INO80: variants seen among roughly 807,000 people sequenced by gnomAD.
INO80 encodes INO80 complex ATPase subunit, also known as chromatin-remodeling ATPase INO80.
INO80 carries 20 observed loss-of-function variants against 203.4 expected under a neutral mutation model. The ratio of observed to expected loss-of-function variants is 0.10; its 90% CI spans 0.07 to 0.14. INO80 has a LOEUF of 0.14. INO80 is among the 10% of genes least tolerant of loss of function. The pLI is 1.00. For missense variants in INO80, 1,419 were observed against 1,914.4 expected (o/e 0.74, Z 4.83); for synonymous variants, 726 against 685.2 (o/e 1.06, Z -0.93).
Position 41,085,414 on chromosome 15 carries a change from A to G in INO80, c.828T>C (p.Arg276=). 6.2e-7 allele frequency: 1 copy of G among 1,614,162 alleles called. No individual in the cohort carries two copies. Among genetic ancestry groups the G allele is most frequent in the Non-Finnish European group, 8.5e-7 (1 of 1,180,022 alleles). ...KHLSIEQLNA[R]RRKVWLSIVK... Reference sequence around the variant, plus strand: ...CAATGCTGAGCCATACTTTCCTGCGACGAGCATTCAGCTGCTCAATGGATA... The same window carrying G: ...CAATGCTGAGCCATACTTTCCTGCGGCGAGCATTCAGCTGCTCAATGGATA... The change falls in exon 7 of 36, where the codon CGT becomes CGC. Residue 276 remains arginine, a synonymous_variant. Transcript: ENST00000648947.
At chr15:40,996,085 G>A (rs2140425517) in intron 29 of INO80, among the ~76,000 whole-genome samples, 1 of 152,142 alleles carries the variant, frequency 6.6e-6, no homozygotes, top group East Asian at 1.9e-4. Flanking sequence ...ATCTATTCAA[G>A]CCTCTACACT....
intron 24 of INO80, among the ~76,000 whole-genome samples, chr15:41,035,847 A>G (rs886082518): frequency 5.4e-4 from 75 of 139,370 alleles, no homozygotes; most frequent in Non-Finnish European, 7.0e-4. Flanking sequence ...AAAAAAAAAA[A>G]GTCTGGCGCC....
chr15:40,987,732 T>G, intron 30 of INO80, 84 bp downstream of exon 30: 1 of 1,281,976 alleles, frequency 7.8e-7, no homozygotes, highest in Non-Finnish European at 1.1e-6. Context: ...GGCAAGAGAG[T>G]TTTAAAATAG....
Position 41,039,365 on chromosome 15 carries a change from G to A in INO80, c.2907+5539C>T, listed in dbSNP as rs565985702. Among the ~76,000 whole-genome samples, 15 of 152,308 alleles carry A rather than the reference G, an allele frequency of 9.8e-5. No individual in the cohort carries two copies. The South Asian group carries it at 3.1e-3, about 32-fold the overall frequency. On this transcript the variant is annotated intron_variant, in intron 24 of 35. Transcript: ENST00000648947. ...TTCATTATCTACCATTACTCAGGCA[G>A]TTAATTGTGTAGTATTTAAAGTCTT...
At chr15:41,052,758 C>T (rs1345390736) in intron 19 of INO80, among the ~76,000 whole-genome samples, 1 of 150,404 alleles carries the variant, frequency 6.6e-6, no homozygotes, top group Non-Finnish European at 1.5e-5. Flanking sequence ...GGCACAGTGG[C>T]TCACACCTGT....
intron 12 of INO80, 138 bp from the exon 13 acceptor site, chr15:41,070,685 C>G: frequency 1.4e-6 from 1 of 692,624 alleles, no homozygotes; most frequent in Non-Finnish European, 2.5e-6. Flanking sequence ...GCACTTTTAC[C>G]CACTGCTATA....
intron 14 of INO80, among the ~76,000 whole-genome samples, chr15:41,068,669 A>G (rs2140584615): frequency 6.6e-6 from 1 of 151,978 alleles, no homozygotes; most frequent in East Asian, 1.9e-4. Context: ...ACCAGCCTGG[A>G]CAACATGGTG....
intron 19 of INO80, among the ~76,000 whole-genome samples, chr15:41,051,452 A>G (rs952942847): frequency 6.6e-6 from 1 of 151,196 alleles, no homozygotes; most frequent in Non-Finnish European, 1.5e-5. Flanking sequence ...AGAAACACAT[A>G]CTATACACAG....
chr15:41,045,775 C>A (rs549319056), intron 23 of INO80, among the ~76,000 whole-genome samples: 1 of 151,614 alleles, frequency 6.6e-6, no homozygotes, highest in Non-Finnish European at 1.5e-5. Flanking sequence ...GTTGTGCACG[C>A]CTGTAATCCC....
chr15:40,979,083 T>C lies in INO80; in HGVS notation c.*1140A>G, dbSNP rs983689331. 1 of 152,598 alleles carries C rather than the reference T, an allele frequency of 6.6e-6. No individual in the cohort carries two copies. The highest frequency in any genetic ancestry group is 1.5e-5 in the Non-Finnish European group (1 of 68,030). The allele number at this position is 152,598 out of a possible 1,614,324, so 9.5% of individuals were successfully genotyped here. On this transcript the variant is annotated 3_prime_UTR_variant, in exon 36 of 36. Transcript: ENST00000648947. Reference sequence around the variant, plus strand: ...GGTTTGAGCAGGGGAATCTTAATGATTTAAATTAAATGATTCCCCTATACC... The same window carrying C: ...GGTTTGAGCAGGGGAATCTTAATGACTTAAATTAAATGATTCCCCTATACC...
At chr15:41,070,607 G>T (rs2045294547) in intron 12 of INO80, 60 bp from the exon 13 acceptor site, 2 of 1,386,128 alleles carry the variant, frequency 1.4e-6, no homozygotes, top group Non-Finnish European at 1.0e-6. Flanking sequence ...AGTTCAACCT[G>T]TTACCAAAAA....
chr15:41,053,387 G>A (rs955979048), intron 19 of INO80, among the ~76,000 whole-genome samples: 1 of 152,128 alleles, frequency 6.6e-6, no homozygotes, highest in Non-Finnish European at 1.5e-5. Context: ...TTACAGGCAT[G>A]AGCCACCGTG....
In INO80 at chr15:41,073,488, G is replaced by A; in HGVS notation, c.1335C>T (p.Asn445=). Residue 445 remains asparagine, a synonymous_variant, in exon 11 of 36, where the codon AAC becomes AAT. Coordinates refer to ENST00000648947, the MANE Select transcript of INO80 (RefSeq NM_017553.3). ...TCTTCAGGGCCTGGGCTTTAAAATG[G>A]TTACTATCTGAAAAGCAAAATTTAT... ...VNITQEDYDS[N]HFKAQALKNA... The A allele has an allele frequency of 6.2e-7, 1 of 1,613,800 alleles. No homozygotes were observed. Among genetic ancestry groups the A allele is most frequent in the Non-Finnish European group, 8.5e-7 (1 of 1,179,734 alleles).
rs544960780 is a variant in INO80, at chr15:41,073,347, C to A, written c.1395+81G>T. On this transcript the variant is annotated intron_variant, in intron 11 of 35. Coordinates refer to ENST00000648947, the MANE Select transcript of INO80 (RefSeq NM_017553.3). The stretch of plus-strand genomic sequence containing the variant: ...CTTTTAATTGCAAATGTGATTAAGA[C>A]TAAAGGAAGACCACCTAAGTAAAGG... 141 of 1,168,816 alleles carry A rather than the reference C, an allele frequency of 1.2e-4. 2 individuals carry two copies. In the African/African-American group the frequency reaches 1.8e-3, roughly 15 times the overall value. 72.4% of individuals were successfully genotyped at this position (1,168,816 alleles called of 1,614,324 possible).
chr15:41,026,940 A>G (rs996341259), intron 25 of INO80, among the ~76,000 whole-genome samples: 4 of 152,246 alleles, frequency 2.6e-5, no homozygotes, highest in African/African-American at 9.6e-5. Flanking sequence ...TAAACAGGGT[A>G]TTAGGAAGGA....
At chr15:41,056,477 G>C (rs2044986871) in intron 17 of INO80, 145 bp downstream of exon 17, 1 of 630,286 alleles carries the variant, frequency 1.6e-6, no homozygotes, top group Non-Finnish European at 2.8e-6. Flanking sequence ...ATGCCTAAAA[G>C]ACGACTTGGG....
At chr15:41,063,494 T>C (rs2045151624) in intron 14 of INO80, among the ~76,000 whole-genome samples, 1 of 151,058 alleles carries the variant, frequency 6.6e-6, no homozygotes, top group South Asian at 2.1e-4. Context: ...CACCTTAAGG[T>C]CGGGCACGGT....
intron 1 of INO80, among the ~76,000 whole-genome samples, chr15:41,109,330 T>C (rs2045926751): frequency 6.6e-6 from 1 of 151,502 alleles, no homozygotes; most frequent in South Asian, 2.1e-4. Context: ...GGCGGGCACC[T>C]GTAATTCCAG....
intron 14 of INO80, among the ~76,000 whole-genome samples, chr15:41,066,952 A>G (rs559595221): frequency 6.6e-6 from 1 of 152,292 alleles, no homozygotes; most frequent in Non-Finnish European, 1.5e-5. Flanking sequence ...GCTCTGTTTC[A>G]GGCATACTTA....
Sources: gnomAD v4.1 joint callset for allele counts (sites outside exome capture counted in the v4.1 genomes callset) on GRCh38, gnomAD v4.1.1 for gene constraint, MANE v1.5 for transcripts, NCBI Gene and HGNC (gene_info 2026-07-23, HGNC 2026-07-21) for gene names.